RAI14: variants seen among roughly 807,000 people sequenced by gnomAD.
RAI14 encodes retinoic acid induced 14.
Under a neutral mutation model 115.4 loss-of-function variants are expected in RAI14, and 45 were observed. The ratio of observed to expected loss-of-function variants is 0.39; its 90% confidence interval spans 0.31 to 0.50. RAI14 has a LOEUF of 0.50. RAI14 is among the 20% of genes least tolerant of loss of function. The pLI, the probability that RAI14 is intolerant of heterozygous loss-of-function variation, is 0.85. For missense variants in RAI14, 939 were observed against 1,131.2 expected (o/e 0.83, Z 2.44); for synonymous variants, 371 against 415.4 (o/e 0.89, Z 1.30).
In RAI14 at chr5:34,813,632, C is replaced by T. The variant is rs1396000907; in HGVS notation, c.824C>T (p.Ala275Val). 1.2e-6 allele frequency: 2 copies of T among 1,613,036 alleles called. No individual in the cohort carries two copies. The highest frequency in any genetic ancestry group is 1.7e-6 in the Non-Finnish European group (2 of 1,179,162). ...ERSGTPKKRKAPPPPISPTQL... is the reference protein window; with the variant it reads ...ERSGTPKKRKVPPPPISPTQL... ...AGTGGAACTCCAAAAAAACGCAAAG[C>T]TCCACCACCTCCTATCAGTCCTACC... The change falls in exon 11 of 18, where the codon GCT becomes GTT. Residue 275 changes from alanine (A) to valine (V), a missense_variant. Physicochemically the swap from Ala to Val is moderately conservative, Grantham distance 64. Transcript: ENST00000265109.
intron 2 of RAI14, among the ~76,000 whole-genome samples, chr5:34,718,167 G>T (rs1400218842): frequency 6.6e-6 from 1 of 152,218 alleles, no homozygotes; most frequent in African/African-American, 2.4e-5. Flanking sequence ...GTGAATTGTG[G>T]CTGCCCATTA....
chr5:34,692,257 C>T (rs780744312), intron 2 of RAI14, among the ~76,000 whole-genome samples: 34 of 127,560 alleles, frequency 2.7e-4, no homozygotes, highest in Non-Finnish European at 5.1e-4. Flanking sequence ...AGCGAAACTC[C>T]GTCTGTTAAA....
At chr5:34,710,280 G>T (rs966521175) in intron 2 of RAI14, among the ~76,000 whole-genome samples, 1 of 152,162 alleles carries the variant, frequency 6.6e-6, no homozygotes, top group Admixed American at 6.5e-5. Context: ...GCTGGCAGTT[G>T]TTGGAATTCC....
chr5:34,721,291 G>GTATATATATATA lies in RAI14; in HGVS notation c.36+34359_36+34370dup, dbSNP rs10538679. Among the ~76,000 whole-genome samples the GTATATATATATA allele has an allele frequency of 9.2e-4, 120 of 131,122 alleles. 1 individual carries two copies. The highest frequency in any genetic ancestry group is 4.4e-3 in the East Asian group (16 of 3,678). The allele number at this position is 131,122 out of a possible 152,430, so 86.0% of individuals were successfully genotyped here. A position where few individuals can be genotyped will look rare whatever the true frequency, so the allele number is the denominator to read the frequency against. ...TGTGTATGTATGTAGATGTAGATGT[G>GTATATATATATA]TATATATATATATATATATATATAT... On this transcript the variant is annotated intron_variant, in intron 2 of 17. Transcript: ENST00000265109.
rs1413190164 is a variant in RAI14 at position 34,677,647 on chromosome 5, A to G, written c.-48-9225A>G. On this transcript the variant is annotated intron_variant, in intron 1 of 17. Transcript: ENST00000265109. Reference sequence around the variant, plus strand: ...TTTTTGTAGAGATGGGGATCTCACTATGTTGCCCAGGCTGGTCTCAGGCTC... The same window carrying G: ...TTTTTGTAGAGATGGGGATCTCACTGTGTTGCCCAGGCTGGTCTCAGGCTC... Among the ~76,000 whole-genome samples, 3 of 151,952 alleles carry G rather than the reference A, an allele frequency of 2.0e-5. No individual in the cohort carries two copies. The South Asian group carries it at 6.2e-4, about 32-fold the overall frequency.
At chr5:34,787,813 T>C (rs961277831) in intron 3 of RAI14, among the ~76,000 whole-genome samples, 2 of 151,750 alleles carry the variant, frequency 1.3e-5, no homozygotes, top group African/African-American at 4.8e-5. Context: ...TTGTTTAATT[T>C]GTTTTTATAG....
chr5:34,792,533 C>T (rs997084502), intron 3 of RAI14, among the ~76,000 whole-genome samples: 16 of 152,158 alleles, frequency 1.1e-4, no homozygotes, highest in African/African-American at 3.9e-4. Context: ...TGTGCCTGGC[C>T]CCTTTCCTGC....
At position 34,738,564 on chromosome 5, in the gene RAI14, T is replaced by A. The variant is rs114220732; in HGVS notation, c.37-18904T>A. 2.0e-3 allele frequency among the ~76,000 whole-genome samples: 299 copies of A among 152,308 alleles called. 1 individual carries two copies. The highest frequency in any genetic ancestry group is 7.0e-3 in the African/African-American group (290 of 41,570). On this transcript the variant is annotated intron_variant, in intron 2 of 17. Coordinates refer to ENST00000265109, the MANE Select transcript of RAI14 (RefSeq NM_015577.3). ...GCTGTTGGTGTGGTGCCTTTTGTGG[T>A]GACACCAAGTGGGAATCAGGTAGAC...
At chr5:34,807,127 A>G (rs1478998824) in intron 5 of RAI14, among the ~76,000 whole-genome samples, 1 of 152,110 alleles carries the variant, frequency 6.6e-6, no homozygotes, top group Non-Finnish European at 1.5e-5. Flanking sequence ...ATTCTTCTAG[A>G]TGATATTTCA....
chr5:34,785,440 C>T (rs916283213), intron 3 of RAI14, among the ~76,000 whole-genome samples: 1 of 152,092 alleles, frequency 6.6e-6, no homozygotes, highest in African/African-American at 2.4e-5. Context: ...TAATAAATCT[C>T]TTCCCATAAA....
intron 1 of RAI14, among the ~76,000 whole-genome samples, chr5:34,670,784 C>T (rs974832364): frequency 4.6e-5 from 7 of 152,110 alleles, no homozygotes; most frequent in Non-Finnish European, 8.8e-5. Flanking sequence ...TTTTATTAGT[C>T]CCCAGTCTTA....
chr5:34,689,260 C>CCGCCTATGGTGGGGCA (rs1298929921), intron 2 of RAI14, among the ~76,000 whole-genome samples: 2 of 152,116 alleles, frequency 1.3e-5, no homozygotes, highest in East Asian at 3.9e-4. Flanking sequence ...AAAAAATTAG[C>CCGCCTATGGTGGGGCA]CGCCTATGGT....
chr5:34,829,990 C>T, intron 17 of RAI14, 193 bp downstream of exon 17: 1 of 538,930 alleles, frequency 1.9e-6, no homozygotes, highest in Non-Finnish European at 3.3e-6. Flanking sequence ...TTACCAGGAA[C>T]AGCCCCATCT....
At chr5:34,801,668 G>A (rs1754281518) in intron 4 of RAI14, among the ~76,000 whole-genome samples, 1 of 152,112 alleles carries the variant, frequency 6.6e-6, no homozygotes, top group African/African-American at 2.4e-5. Context: ...TTGAACCCGG[G>A]AGGCAGAGGT....
Position 34,687,702 on chromosome 5 carries a change from G to C in RAI14, c.36+747G>C, listed in dbSNP as rs192775288. The C allele has an allele frequency of 2.1e-5, 32 of 1,551,586 alleles. No homozygotes were observed. In the African/African-American group the frequency reaches 3.6e-4, roughly 17 times the overall value. On this transcript the variant is annotated intron_variant, in intron 2 of 17. Transcript: ENST00000265109. ...TGTGGAGTGGGAGAAATTAATGGAA[G>C]GGAATTAGATGGAAGCCAAGGTATG...
intron 2 of RAI14, among the ~76,000 whole-genome samples, chr5:34,726,611 G>C (rs182876845): frequency 6.6e-6 from 1 of 152,302 alleles, no homozygotes; most frequent in East Asian, 1.9e-4. Flanking sequence ...TGGGTGAATT[G>C]TAATAATCCC....
intron 3 of RAI14, among the ~76,000 whole-genome samples, chr5:34,775,128 A>T (rs1468674123): frequency 6.6e-6 from 1 of 152,206 alleles, no homozygotes; most frequent in Non-Finnish European, 1.5e-5. Context: ...TGGATTAAAG[A>T]TTTAAATCTA....
chr5:34,729,606 A>G (rs1396705749), intron 2 of RAI14, among the ~76,000 whole-genome samples: 1 of 152,158 alleles, frequency 6.6e-6, no homozygotes, highest in Non-Finnish European at 1.5e-5. Flanking sequence ...TCTAAATCCT[A>G]TTGCCAATTA....
chr5:34,709,842 T>C (rs1000504791), intron 2 of RAI14, among the ~76,000 whole-genome samples: 3 of 152,128 alleles, frequency 2.0e-5, no homozygotes, highest in Non-Finnish European at 4.4e-5. Flanking sequence ...ATATTTTGTT[T>C]TGATCTCAGA....
Sources: gnomAD v4.1 joint callset for allele counts (sites outside exome capture counted in the v4.1 genomes callset) on GRCh38, gnomAD v4.1.1 for gene constraint, MANE v1.5 for transcripts, NCBI Gene and HGNC (gene_info 2026-07-23, HGNC 2026-07-21) for gene names.